PABPC4L: variants seen among roughly 807,000 people sequenced by gnomAD.
PABPC4L encodes the protein poly(A) binding protein cytoplasmic 4 like.
For synonymous variants in PABPC4L, 169 were observed against 164.1 expected (o/e 1.03, Z -0.23); for missense variants, 452 against 451.4 (o/e 1.00, Z -0.01).
chr4:134,096,889 AC>A, the PABPC4L span, among the ~76,000 whole-genome samples: 1 of 151,960 alleles, frequency 6.6e-6, no homozygotes, highest in South Asian at 2.1e-4. Context: ...TAAAAATGCT[AC>A]TTGCATAACA....
chr4:133,962,822 C>T, the PABPC4L span, among the ~76,000 whole-genome samples: 1 of 152,128 alleles, frequency 6.6e-6, no homozygotes, highest in Non-Finnish European at 1.5e-5. Context: ...TTGCCACTAC[C>T]AAGCCAACAC....
the PABPC4L span, among the ~76,000 whole-genome samples, chr4:134,138,166 G>T: frequency 6.6e-6 from 1 of 151,592 alleles, no homozygotes; most frequent in Non-Finnish European, 1.5e-5. Flanking sequence ...TTAGATACCT[G>T]AATTAAAAAA....
At chr4:134,077,890 T>C in the PABPC4L span, among the ~76,000 whole-genome samples, 1 of 152,138 alleles carries the variant, frequency 6.6e-6, no homozygotes, top group East Asian at 1.9e-4. Context: ...TAAATATTTA[T>C]CTTTAACTAA....
At chr4:133,973,149 G>A in the PABPC4L span, among the ~76,000 whole-genome samples, 2 of 152,260 alleles carry the variant, frequency 1.3e-5, no homozygotes, top group East Asian at 3.9e-4. Context: ...GATAGAGGTT[G>A]ATGCCATAAA....
the PABPC4L span, among the ~76,000 whole-genome samples, chr4:133,960,817 A>T: frequency 6.6e-6 from 1 of 152,062 alleles, no homozygotes; most frequent in South Asian, 2.1e-4. Flanking sequence ...GACAACCTGC[A>T]TGACTCAGCA....
At chr4:133,987,745 T>A in the PABPC4L span, among the ~76,000 whole-genome samples, 1 of 152,172 alleles carries the variant, frequency 6.6e-6, no homozygotes, top group African/African-American at 2.4e-5. Flanking sequence ...TGTAAAGTGT[T>A]GCATAATATT....
chr4:134,021,936 C>T, the PABPC4L span, among the ~76,000 whole-genome samples: 18 of 152,176 alleles, frequency 1.2e-4, no homozygotes, highest in Admixed American at 2.6e-4. Context: ...GCTAGACTTT[C>T]CTTGCCTTCT....
rs1042215957 is a variant in PABPC4L at position 134,196,480 on chromosome 4, T to C, written c.*3427A>G. On this transcript the variant is annotated 3_prime_UTR_variant, in exon 2 of 2. Coordinates refer to ENST00000421491, the MANE Select transcript of PABPC4L (RefSeq NM_001114734.2). Reference sequence around the variant, plus strand: ...CCTATTTGAAATTTAAAAGATAAAATGTTAAAAGAATACATTTATTGAAAT... The same window carrying C: ...CCTATTTGAAATTTAAAAGATAAAACGTTAAAAGAATACATTTATTGAAAT... The C allele has an allele frequency of 6.6e-6, 1 of 151,700 alleles. No homozygotes were observed. Among genetic ancestry groups the C allele is most frequent in the African/African-American group, 2.4e-5 (1 of 41,402 alleles). The allele number at this position is 151,700 out of a possible 1,614,324, so 9.4% of individuals were successfully genotyped here.
At chr4:134,017,203 T>C in the PABPC4L span, among the ~76,000 whole-genome samples, 2 of 152,170 alleles carry the variant, frequency 1.3e-5, no homozygotes, top group Non-Finnish European at 2.9e-5. Flanking sequence ...AATGGTCTTT[T>C]AAAAACACAC....
chr4:134,188,000 T>G, the PABPC4L span, among the ~76,000 whole-genome samples: 2 of 152,076 alleles, frequency 1.3e-5, no homozygotes, highest in Admixed American at 1.3e-4. Flanking sequence ...TTTTATGTCT[T>G]CCAGACTTTT....
the PABPC4L span, among the ~76,000 whole-genome samples, chr4:134,156,484 G>T: frequency 6.6e-6 from 1 of 151,728 alleles, no homozygotes; most frequent in African/African-American, 2.4e-5. Context: ...TGATGAAACA[G>T]AAACCATCAT....
the PABPC4L span, among the ~76,000 whole-genome samples, chr4:134,156,550 A>G: frequency 1.3e-5 from 2 of 151,928 alleles, no homozygotes; most frequent in Admixed American, 1.3e-4. Flanking sequence ...ATTTCAATAG[A>G]TTCTGGAAAG....
At chr4:134,129,515 A>G in the PABPC4L span, among the ~76,000 whole-genome samples, 1 of 152,072 alleles carries the variant, frequency 6.6e-6, no homozygotes, top group African/African-American at 2.4e-5. Flanking sequence ...ATGAACTACA[A>G]AACGACACCC....
the PABPC4L span, among the ~76,000 whole-genome samples, chr4:134,127,871 A>T: frequency 6.6e-6 from 1 of 152,194 alleles, no homozygotes; most frequent in African/African-American, 2.4e-5. Flanking sequence ...CACCAGAGAA[A>T]GGTAAAGTCC....
chr4:134,145,788 C>G, the PABPC4L span, among the ~76,000 whole-genome samples: 6 of 151,978 alleles, frequency 3.9e-5, no homozygotes, highest in African/African-American at 1.4e-4. Flanking sequence ...TAGAATTTCA[C>G]AGGCAATATA....
chr4:134,040,646 C>T, the PABPC4L span, among the ~76,000 whole-genome samples: 2 of 152,058 alleles, frequency 1.3e-5, no homozygotes, highest in African/African-American at 4.8e-5. Context: ...TAGGCAATAC[C>T]ATTCAGGACA....
the PABPC4L span, among the ~76,000 whole-genome samples, chr4:134,152,478 G>T: frequency 6.6e-6 from 1 of 152,114 alleles, no homozygotes; most frequent in East Asian, 1.9e-4. Flanking sequence ...ACTGTCTACA[G>T]TGGTTCTGCC....
the PABPC4L span, among the ~76,000 whole-genome samples, chr4:134,082,071 C>T: frequency 7.2e-5 from 11 of 152,054 alleles, 1 homozygote; most frequent in African/African-American, 2.4e-4. Flanking sequence ...AGTGATCTAA[C>T]GAGGTTCAGC....
Position 134,200,513 on chromosome 4 carries a change from A to C in PABPC4L, c.507T>G (p.Val169=). 1.3e-6 allele frequency: 2 copies of C among 1,551,620 alleles called. No homozygotes were observed. The highest frequency in any genetic ancestry group is 2.0e-5 in the Admixed American group (1 of 50,988). Residue 169 remains valine, a synonymous_variant, in exon 2 of 2, where the codon GTT becomes GTG. Transcript: ENST00000421491. ...GATCTTTTCGGTTTTTGAATCTGCC[A>C]ACAAACACCTTGCAGCCCTTGAGTA... ...GKLLKGCKVF[V]GRFKNRKDRE...
Sources: gnomAD v4.1 joint callset for allele counts (sites outside exome capture counted in the v4.1 genomes callset) on GRCh38, gnomAD v4.1.1 for gene constraint, MANE v1.5 for transcripts, NCBI Gene and HGNC (gene_info 2026-07-23, HGNC 2026-07-21) for gene names.